KCNAB2: variants seen among roughly 807,000 people sequenced by gnomAD.
KCNAB2 encodes potassium voltage-gated channel subfamily A regulatory beta subunit 2.
KCNAB2 carries 29 observed loss-of-function variants against 63.6 expected under a neutral mutation model. That is an observed-to-expected ratio of 0.46 (90% CI 0.34 to 0.62). The LOEUF (loss-of-function observed/expected upper bound fraction) is 0.62. Among genes scored for constraint, KCNAB2 ranks in the 20% least tolerant of loss-of-function variants. KCNAB2 has a pLI of 0.01. For missense variants in KCNAB2, 359 were observed against 563.9 expected (o/e 0.64, Z 3.68); for synonymous variants, 222 against 224.2 (o/e 0.99, Z 0.09).
At position 6,017,011 on chromosome 1, in the gene KCNAB2, C is replaced by G. The variant is rs183464128; in HGVS notation, c.-52-23506C>G. 5.3e-5 allele frequency among the ~76,000 whole-genome samples: 8 copies of G among 152,248 alleles called. No homozygotes were observed. In the East Asian group the frequency reaches 9.6e-4, roughly 18 times the overall value. On this transcript the variant is annotated intron_variant, in intron 1 of 16. Transcript: ENST00000341524. ...GAAAGTCAACAAACCACCTAAAACT[C>G]ACCCACAAAATACCGTGACCAGGAG...
Position 6,074,533 on chromosome 1 carries a change from G to A in KCNAB2, c.300+763G>A, listed in dbSNP as rs1387805537. On this transcript the variant is annotated intron_variant, in intron 4 of 15. Transcript: ENST00000378083. This position sits in a 1 kb window ranked among gnomAD's most constrained non-coding sequence, Gnocchi z 4.9. ...ATTTATCCTACTTAGCACTAGAAAG[G>A]TTGCGTTTAAAAATTGATCAGCGAA... Among the ~76,000 whole-genome samples the A allele has an allele frequency of 6.6e-6, 1 of 152,224 alleles. No homozygotes were observed. Among genetic ancestry groups the A allele is most frequent in the East Asian group, 1.9e-4 (1 of 5,202 alleles).
chr1:6,030,549 ATG>A (rs1418647666), upstream of KCNAB2, among the ~76,000 whole-genome samples: 4 of 149,836 alleles, frequency 2.7e-5, no homozygotes, highest in African/African-American at 9.9e-5. Flanking sequence ...ATATGTGTGT[ATG>A]TGTGTATGTC....
intron 4 of KCNAB2, among the ~76,000 whole-genome samples, chr1:6,080,796 T>C (rs1346870199): frequency 6.6e-6 from 1 of 152,176 alleles, no homozygotes; most frequent in Non-Finnish European, 1.5e-5. Flanking sequence ...GGCTACTCCG[T>C]CCTCACTCTC....
intron 2 of KCNAB2, 73 bp downstream of exon 2, chr1:6,051,827 G>T: frequency 6.9e-7 from 1 of 1,446,338 alleles, no homozygotes; most frequent in Non-Finnish European, 9.2e-7. Flanking sequence ...AAAAGGGCTG[G>T]GCACGGTGGT....
Position 6,071,943 on chromosome 1 carries a change from G to T in KCNAB2, c.219-812G>T, listed in dbSNP as rs1222522550. On this transcript the variant is annotated intron_variant, in intron 2 of 15. Transcript: ENST00000378083. The surrounding 1 kb of genome is among the most constrained non-coding windows in gnomAD (Gnocchi z 8.5). ...AGGATCCGGGGACAGGATGCCTGGG[G>T]ACTGCCTGGCCTGCTGCAACCCTGC... Among the ~76,000 whole-genome samples, 1 of 152,166 alleles carries T rather than the reference G, an allele frequency of 6.6e-6. No individual in the cohort carries two copies. Among genetic ancestry groups the T allele is most frequent in the African/African-American group, 2.4e-5 (1 of 41,428 alleles).
intron 1 of KCNAB2, among the ~76,000 whole-genome samples, chr1:6,012,038 A>AGGTGGTGG (rs1658181000): frequency 6.6e-6 from 1 of 151,232 alleles, no homozygotes; most frequent in South Asian, 2.1e-4. Context: ...TGGAGGTGAA[A>AGGTGGTGG]GTGGAGGTGG....
chr1:6,088,978 GA>G (rs1664946867), intron 7 of KCNAB2, 29 bp from the exon 8 acceptor site: 1 of 1,547,424 alleles, frequency 6.5e-7, no homozygotes, highest in South Asian at 1.2e-5. Context: ...AACCGCTGGT[GA>G]CATCACACGC....
chr1:6,050,365 G>C (rs1557453031), intron 1 of KCNAB2, among the ~76,000 whole-genome samples: 1 of 152,212 alleles, frequency 6.6e-6, no homozygotes, highest in Non-Finnish European at 1.5e-5. Flanking sequence ...AGTCAGGTGG[G>C]GTGAGGGTCA....
chr1:6,075,238 G>A (rs1663562364), intron 4 of KCNAB2, among the ~76,000 whole-genome samples: 1 of 152,210 alleles, frequency 6.6e-6, no homozygotes, highest in East Asian at 1.9e-4. Flanking sequence ...AATATTAGCT[G>A]GGTGGCCTGT....
At chr1:6,070,232 A>T (rs114646726) in intron 2 of KCNAB2, among the ~76,000 whole-genome samples, 1,821 of 152,278 alleles carry the variant, frequency 0.012, 30 homozygotes, top group African/African-American at 0.038. Flanking sequence ...GCATATTTCC[A>T]GGCTTTATCT....
At chr1:6,013,323 A>C (rs1007338757) in intron 1 of KCNAB2, among the ~76,000 whole-genome samples, 1 of 152,066 alleles carries the variant, frequency 6.6e-6, no homozygotes, top group African/African-American at 2.4e-5. Context: ...TTGGCAGAAG[A>C]CACACTTGTG....
At chr1:6,007,506 A>ATCTCTGCGCCT (rs1186605023) in intron 1 of KCNAB2, 2 of 58,864 alleles carry the variant, frequency 3.4e-5, no homozygotes, top group African/African-American at 1.2e-4. Context: ...GAGCCGCGCC[A>ATCTCTGCGCCT]CCTCTGCGCC....
intron 2 of KCNAB2, among the ~76,000 whole-genome samples, chr1:6,061,669 A>G (rs1662331995): frequency 1.3e-5 from 2 of 152,226 alleles, no homozygotes. Flanking sequence ...CCCAGGTAAC[A>G]TGCACTGATA....
At position 6,050,530 on chromosome 1, in the gene KCNAB2, C is replaced by T. The variant is rs141280101; in HGVS notation, c.-26-981C>T. ...AACACCAGTGGTTGCGTTCTGGACA[C>T]ACGCTTTCTCCCTTGGCCTTTTAAT... On this transcript the variant is annotated intron_variant, in intron 1 of 15. Transcript: ENST00000378083. 1.6e-3 allele frequency among the ~76,000 whole-genome samples: 240 copies of T among 152,376 alleles called. 1 individual carries two copies. Among genetic ancestry groups the T allele is most frequent in the African/African-American group, 5.6e-3 (233 of 41,586 alleles).
Position 6,003,759 on chromosome 1 carries a change from A to G in KCNAB2, c.-53+10971A>G, listed in dbSNP as rs955754015. Reference sequence around the variant, plus strand: ...AGCCACGTCTCCTCGTCGTCGTTTCACCGCAACCTCGCCAGCAATGAGTAT... The same window carrying G: ...AGCCACGTCTCCTCGTCGTCGTTTCGCCGCAACCTCGCCAGCAATGAGTAT... On this transcript the variant is annotated intron_variant, in intron 1 of 16. Transcript: ENST00000341524. This position sits in a 1 kb window ranked among gnomAD's most constrained non-coding sequence, Gnocchi z 4.1. Among the ~76,000 whole-genome samples, 3 of 152,156 alleles carry G rather than the reference A, an allele frequency of 2.0e-5. No individual in the cohort carries two copies. Among genetic ancestry groups the G allele is most frequent in the African/African-American group, 4.8e-5 (2 of 41,420 alleles).
At chr1:6,045,516 T>G (rs375306408), upstream of KCNAB2, among the ~76,000 whole-genome samples, 25 of 152,268 alleles carry the variant, frequency 1.6e-4, no homozygotes, top group East Asian at 3.7e-3. The surrounding 1 kb of genome is among the most constrained non-coding windows in gnomAD (Gnocchi z 4.8). Context: ...TTCTGGGGCC[T>G]TCCTGCCATT....
At position 6,069,289 on chromosome 1, in the gene KCNAB2, G is replaced by A. The variant is rs2100638942; in HGVS notation, c.219-3466G>A. Among the ~76,000 whole-genome samples, 1 of 152,278 alleles carries A rather than the reference G, an allele frequency of 6.6e-6. No individual in the cohort carries two copies. The highest frequency in any genetic ancestry group is 2.4e-5 in the African/African-American group (1 of 41,544). ...TTGCCCTTCACCTGATCACAGTTTT[G>A]TCCTCTGCCCAGGTGGCTCCAATGA... On this transcript the variant is annotated intron_variant, in intron 2 of 15. Coordinates refer to ENST00000378083, the MANE Select transcript of KCNAB2 (RefSeq NM_001199862.2). This position sits in a 1 kb window ranked among gnomAD's most constrained non-coding sequence, Gnocchi z 5.4.
chr1:6,096,653 G>A lies in KCNAB2; in HGVS notation c.966G>A (p.Lys322=), dbSNP rs373265624. The A allele has an allele frequency of 2.0e-5, 33 of 1,610,760 alleles. No homozygotes were observed. The African/African-American group carries it at 4.3e-4, about 21-fold the overall frequency. ...RASLKGYQWL[K]DKILSEEGRR... is the part of the protein sequence containing the mutation. The stretch of plus-strand genomic sequence containing the variant: ...GCAACCAGGGCTACCAGTGGCTGAA[G>A]GACAAGATCCTCAGTGAGGAGGGCC... Residue 322 remains lysine, a synonymous_variant, in exon 14 of 16, where the codon AAG becomes AAA. Transcript: ENST00000378083. The surrounding 1 kb of genome is among the most constrained non-coding windows in gnomAD (Gnocchi z 5.9).
At chr1:5,999,085 G>A (rs943904155) in intron 1 of KCNAB2, among the ~76,000 whole-genome samples, 13 of 152,222 alleles carry the variant, frequency 8.5e-5, no homozygotes, top group Non-Finnish European at 1.5e-4. Flanking sequence ...CGATTTCAAC[G>A]GCGCATTCTT....
Sources: gnomAD v4.1 joint callset for allele counts (sites outside exome capture counted in the v4.1 genomes callset) on GRCh38, gnomAD v4.1.1 for gene constraint, Gnocchi (gnomAD v3.1) non-coding constraint, MANE v1.5 for transcripts, NCBI Gene and HGNC (gene_info 2026-07-23, HGNC 2026-07-21) for gene names.